MYO7A: variants seen among roughly 807,000 people sequenced by gnomAD.
MYO7A encodes the protein unconventional myosin-VIIa.
A neutral mutation model predicts 263.8 loss-of-function variants in MYO7A; 210 were observed. That is an observed-to-expected ratio of 0.80 (90% CI 0.71 to 0.89). MYO7A has a LOEUF of 0.89. Ranked by LOEUF, MYO7A falls within the 40% of genes least tolerant of loss-of-function variation. MYO7A has a pLI of 0.00. For synonymous variants in MYO7A, 1,239 were observed against 1,197.3 expected (o/e 1.03, Z -0.72); for missense variants, 2,820 against 2,968.3 (o/e 0.95, Z 1.16).
chr11:77,214,799 C>A lies in MYO7A; in HGVS notation c.*103C>A. 1.0e-6 allele frequency: 1 copy of A among 1,004,436 alleles called. No individual in the cohort carries two copies. Among genetic ancestry groups the A allele is most frequent in the Non-Finnish European group, 1.5e-6 (1 of 676,702 alleles). 62.2% of individuals were successfully genotyped at this position (1,004,436 alleles called of 1,614,324 possible). A position where few individuals can be genotyped will look rare whatever the true frequency, so the allele number is the denominator to read the frequency against. ...CTGGGGAAGACTTATGCCATCCCGG[C>A]AGCGAGGCTGGGCTGGCCAGCCACC... is the stretch of plus-strand genomic sequence containing the variant. On this transcript the variant is annotated 3_prime_UTR_variant, in exon 49 of 49. Coordinates refer to ENST00000409709, the MANE Select transcript of MYO7A (RefSeq NM_000260.4).
chr11:77,190,927 G>T (rs1167065331), intron 30 of MYO7A, 57 bp downstream of exon 30: 1 of 1,483,306 alleles, frequency 6.7e-7, no homozygotes, highest in Non-Finnish European at 9.1e-7. Context: ...CCCCACTCCG[G>T]GCTGCCAGTG....
chr11:77,203,195 G>A lies in MYO7A; in HGVS notation c.5304G>A (p.Gln1768=). Residue 1768 remains glutamine (Q), a synonymous_variant, in exon 38 of 49, where the codon CAG becomes CAA. Coordinates refer to ENST00000409709, the MANE Select transcript of MYO7A (RefSeq NM_000260.4). ...TCCTGGGCAGTGAGGAGCTCTCGCAGGAGGCCTGCCTGGCCTTCATTGATA... is the reference window on the plus strand; with the variant it reads ...TCCTGGGCAGTGAGGAGCTCTCGCAAGAGGCCTGCCTGGCCTTCATTGATA... The part of the protein sequence containing the change: ...KKLLGSEELS[Q]EACLAFIAVL... 1 of 1,553,240 alleles carries A rather than the reference G, an allele frequency of 6.4e-7. No homozygotes were observed. The highest frequency in any genetic ancestry group is 2.4e-5 in the East Asian group (1 of 41,280).
intron 31 of MYO7A, among the ~76,000 whole-genome samples, chr11:77,193,145 C>T (rs61900021): frequency 1.7e-4 from 4 of 24,072 alleles, no homozygotes; most frequent in African/African-American, 8.3e-4. Context: ...TGTTGGTGAT[C>T]GTGGAGGTAG....
intron 3 of MYO7A, 102 bp from the exon 4 acceptor site, chr11:77,147,696 C>T (rs1210478130): frequency 2.7e-5 from 40 of 1,485,454 alleles, no homozygotes; most frequent in South Asian, 1.5e-4. Flanking sequence ...GGCCCTTACC[C>T]GGGTTGGCAC....
At position 77,156,691 on chromosome 11, in the gene MYO7A, A is replaced by T. The variant is rs1555062497; in HGVS notation, c.502A>T (p.Thr168Ser). The T allele has an allele frequency of 6.2e-7, 1 of 1,613,966 alleles. No homozygotes were observed. The highest frequency in any genetic ancestry group is 1.1e-5 in the South Asian group (1 of 91,080). ...GESGAGKTESTKLILQFLAAI... is the reference protein window; with the variant it reads ...GESGAGKTESSKLILQFLAAI... The stretch of plus-strand genomic sequence containing the variant: ...ATCTGGGGCCGGGAAGACGGAGAGC[A>T]CAAAGCTGATCCTGCAGTTCCTGGC... The change falls in exon 6 of 49, where the codon ACA becomes TCA. Residue 168 changes from threonine (T) to serine (S), a missense_variant. Transcript: ENST00000409709.
At chr11:77,129,429 T>C (rs1046462136) in intron 1 of MYO7A, among the ~76,000 whole-genome samples, 7 of 151,906 alleles carry the variant, frequency 4.6e-5, no homozygotes, top group Non-Finnish European at 1.0e-4. Flanking sequence ...TTGTGAAAAA[T>C]TGATGCGCAT....
At chr11:77,152,689 G>C (rs1398323261) in intron 4 of MYO7A, among the ~76,000 whole-genome samples, 3 of 152,028 alleles carry the variant, frequency 2.0e-5, no homozygotes, top group African/African-American at 4.8e-5. Flanking sequence ...CATCTCTTAT[G>C]TGCCGTGCAT....
chr11:77,204,886 T>A (rs1298434808), intron 39 of MYO7A, among the ~76,000 whole-genome samples: 2 of 152,164 alleles, frequency 1.3e-5, no homozygotes, highest in Non-Finnish European at 2.9e-5. Flanking sequence ...CCAGGAAAAC[T>A]TTTCAGCCCC....
chr11:77,157,269 A>G lies in MYO7A; in HGVS notation c.736-10A>G. On this transcript the variant is annotated splice_polypyrimidine_tract_variant and intron_variant, in intron 7 of 48. Transcript: ENST00000409709. The stretch of plus-strand genomic sequence containing the variant: ...TCCCCTGGCCCCCAGCACTGTGCCC[A>G]CATTTTCAGGCCCTGGATGAAAGGA... 1.2e-6 allele frequency: 2 copies of G among 1,600,246 alleles called. No individual in the cohort carries two copies. Among genetic ancestry groups the G allele is most frequent in the Non-Finnish European group, 1.7e-6 (2 of 1,172,076 alleles).
intron 15 of MYO7A, among the ~76,000 whole-genome samples, chr11:77,171,723 A>G (rs966774855): frequency 3.3e-5 from 5 of 152,352 alleles, no homozygotes; most frequent in Middle Eastern, 3.4e-3. Context: ...TAAAATAAGA[A>G]ATTCTCAACC....
At chr11:77,163,981 T>G in intron 14 of MYO7A, among the ~76,000 whole-genome samples, 1 of 151,500 alleles carries the variant, frequency 6.6e-6, no homozygotes, top group Non-Finnish European at 1.5e-5. Flanking sequence ...CAGAACAAGG[T>G]GGGGGGGGCT....
intron 3 of MYO7A, among the ~76,000 whole-genome samples, chr11:77,143,600 C>T (rs1442623990): frequency 1.8e-4 from 28 of 152,172 alleles, no homozygotes; most frequent in South Asian, 2.1e-4. Flanking sequence ...TCTGAGCATG[C>T]GTGCACATGT....
rs145085836 is a variant in MYO7A at position 77,138,784 on chromosome 11, C to T, written c.19-3925C>T. On this transcript the variant is annotated intron_variant, in intron 2 of 48. Transcript: ENST00000409709. This position sits in a 1 kb window ranked among gnomAD's most constrained non-coding sequence, Gnocchi z 4.9. ...CGCTGATGGAAGAGAAAGCTAGGCCCACTGGTCTCCTCTCCAAACTATGTT... is the reference window on the plus strand; with the variant it reads ...CGCTGATGGAAGAGAAAGCTAGGCCTACTGGTCTCCTCTCCAAACTATGTT... Among the ~76,000 whole-genome samples the T allele has an allele frequency of 4.6e-5, 7 of 152,334 alleles. No individual in the cohort carries two copies. Among genetic ancestry groups the T allele is most frequent in the Non-Finnish European group, 8.8e-5 (6 of 68,032 alleles).
At chr11:77,202,527 T>A in intron 37 of MYO7A, 103 bp downstream of exon 37, 1 of 1,440,954 alleles carries the variant, frequency 6.9e-7, no homozygotes. Context: ...CCCCCACCTG[T>A]GAGCAGGGCC....
intron 9 of MYO7A, among the ~76,000 whole-genome samples, chr11:77,158,862 T>G (rs1405582736): frequency 6.6e-6 from 1 of 152,220 alleles, no homozygotes; most frequent in African/African-American, 2.4e-5. Flanking sequence ...ACACCCACTA[T>G]GTGCCAGGCT....
chr11:77,206,269 A>G (rs902709897), intron 41 of MYO7A, 67 bp downstream of exon 41: 5 of 1,271,858 alleles, frequency 3.9e-6, no homozygotes, highest in Non-Finnish European at 5.5e-6. Context: ...GTGGACACCA[A>G]AGGTGGCCTT....
At chr11:77,137,966 GTGT>G (rs2135560557) in intron 2 of MYO7A, among the ~76,000 whole-genome samples, 1 of 152,248 alleles carries the variant, frequency 6.6e-6, no homozygotes, top group Non-Finnish European at 1.5e-5. Flanking sequence ...TAACATCCTC[GTGT>G]TTCCTTCCAT....
At chr11:77,168,413 A>T (rs1307419910) in intron 15 of MYO7A, among the ~76,000 whole-genome samples, 2 of 152,200 alleles carry the variant, frequency 1.3e-5, no homozygotes, top group Non-Finnish European at 2.9e-5. Flanking sequence ...GAGCCAGGCT[A>T]TGAGCTAAGC....
intron 15 of MYO7A, among the ~76,000 whole-genome samples, chr11:77,169,668 T>C (rs782364000): frequency 6.6e-6 from 1 of 152,162 alleles, no homozygotes; most frequent in Non-Finnish European, 1.5e-5. Context: ...CAAACCTTTA[T>C]TGAGTACCTA....
Sources: allele counts gnomAD v4.1 joint callset (sites outside exome capture counted in the v4.1 genomes callset), GRCh38; gene constraint gnomAD v4.1.1; non-coding constraint Gnocchi (gnomAD v3.1); transcripts MANE v1.5; gene names NCBI Gene and HGNC (gene_info 2026-07-23, HGNC 2026-07-21).